The following SEMA6D variants were observed in gnomAD, a reference collection of about 807,000 sequenced individuals.
SEMA6D encodes semaphorin 6D.
A neutral mutation model predicts 106.6 loss-of-function variants in SEMA6D; 35 were observed. The observed-to-expected ratio is 0.33, with a 90% CI of 0.25 to 0.44. The LOEUF (loss-of-function observed/expected upper bound fraction) is 0.44, where lower values mean the gene tolerates loss of function less well. SEMA6D is among the 20% of genes least tolerant of loss of function. The pLI is 1.00. For missense variants in SEMA6D, 1,185 were observed against 1,345.9 expected, an observed-to-expected ratio of 0.88 and a Z score of 1.87; for synonymous variants, 499 against 487.7, an observed-to-expected ratio of 1.02 and a Z score of -0.31.
chr15:47,248,325 A>G (rs887888043), intron 1 of SEMA6D, among the ~76,000 whole-genome samples: 1 of 152,216 alleles, frequency 6.6e-6, no homozygotes, highest in African/African-American at 2.4e-5. Flanking sequence ...TTATCAGGAA[A>G]CAAATGAGAA....
At chr15:47,497,142 C>G (rs2043692114) in intron 3 of SEMA6D, among the ~76,000 whole-genome samples, 1 of 140,254 alleles carries the variant, frequency 7.1e-6, no homozygotes. Context: ...TTCCTTTCTG[C>G]CTGTGAGAAA....
At chr15:47,751,758 A>G (rs1014663256) in intron 1 of SEMA6D, among the ~76,000 whole-genome samples, 2 of 152,162 alleles carry the variant, frequency 1.3e-5, no homozygotes, top group Non-Finnish European at 1.5e-5. Flanking sequence ...TTCAGGACAC[A>G]TGGTTCATTC....
chr15:47,410,492 C>A (rs901850857), intron 1 of SEMA6D, among the ~76,000 whole-genome samples: 1 of 152,160 alleles, frequency 6.6e-6, no homozygotes, highest in Admixed American at 6.5e-5. Context: ...GTTCCTCTTA[C>A]AAATACTTCT....
intron 2 of SEMA6D, among the ~76,000 whole-genome samples, chr15:47,414,334 A>T (rs1204053568): frequency 6.6e-6 from 1 of 152,170 alleles, no homozygotes; most frequent in Non-Finnish European, 1.5e-5. Flanking sequence ...TTCCTCATAC[A>T]TACATGGAAT....
intron 4 of SEMA6D, among the ~76,000 whole-genome samples, chr15:47,604,640 A>G (rs933495421): frequency 6.6e-6 from 1 of 152,198 alleles, no homozygotes; most frequent in Non-Finnish European, 1.5e-5. Flanking sequence ...GTAATTTGTT[A>G]GATTCTTTCT....
At chr15:47,442,559 G>A (rs774679739) in intron 2 of SEMA6D, among the ~76,000 whole-genome samples, 6 of 152,164 alleles carry the variant, frequency 3.9e-5, no homozygotes, top group East Asian at 1.9e-4. Context: ...TAATGTCTGC[G>A]TTAGATAGCT....
intron 3 of SEMA6D, among the ~76,000 whole-genome samples, chr15:47,490,245 C>T (rs2043430352): frequency 2.0e-5 from 3 of 152,150 alleles, no homozygotes; most frequent in Admixed American, 2.0e-4. Context: ...ATAGTGAGTG[C>T]TCAGTATGTA....
At chr15:47,554,406 C>T (rs924525214) in intron 3 of SEMA6D, among the ~76,000 whole-genome samples, 1 of 152,198 alleles carries the variant, frequency 6.6e-6, no homozygotes, top group Non-Finnish European at 1.5e-5. Context: ...AAGTACAGTG[C>T]TACAGACCCA....
chr15:47,657,871 G>C (rs2077833072), intron 4 of SEMA6D, among the ~76,000 whole-genome samples: 1 of 150,688 alleles, frequency 6.6e-6, no homozygotes, highest in South Asian at 2.1e-4. Flanking sequence ...CTCCCGAGTA[G>C]CTGGGACTAC....
chr15:47,444,480 G>A (rs762497092), intron 2 of SEMA6D, among the ~76,000 whole-genome samples: 8 of 152,056 alleles, frequency 5.3e-5, no homozygotes, highest in Non-Finnish European at 8.8e-5. Context: ...GATGAAGGCT[G>A]CTTTGCTCCC....
Position 47,730,586 on chromosome 15 carries a change from T to A in SEMA6D, c.-55+12894T>A. The A allele has an allele frequency of 3.3e-6, 5 of 1,523,528 alleles. No homozygotes were observed. In the East Asian group the frequency reaches 9.0e-5, roughly 27 times the overall value. The allele number at this position is 1,523,528 out of a possible 1,614,324, so 94.4% of individuals were successfully genotyped here. On this transcript the variant is annotated intron_variant, in intron 1 of 18. Coordinates refer to ENST00000536845, the MANE Select transcript of SEMA6D (RefSeq NM_001358351.3). ...ATCCCCTTTGCCAGCAGCTTTCTTC[T>A]CGGCCCAGGCCAACAGTCTCTGCTT...
At chr15:47,506,590 A>G (rs989624270) in intron 3 of SEMA6D, among the ~76,000 whole-genome samples, 1 of 139,122 alleles carries the variant, frequency 7.2e-6, no homozygotes, top group Non-Finnish European at 1.5e-5. Flanking sequence ...GGGCATTTAC[A>G]CACACACAAA....
chr15:47,398,237 C>G (rs563455915), intron 1 of SEMA6D, among the ~76,000 whole-genome samples: 37 of 152,248 alleles, frequency 2.4e-4, no homozygotes, highest in Admixed American at 5.2e-4. Flanking sequence ...CATTTCCAAT[C>G]TAGCTTTACT....
intron 2 of SEMA6D, among the ~76,000 whole-genome samples, chr15:47,423,070 T>C (rs577038399): frequency 9.8e-4 from 149 of 152,232 alleles, no homozygotes; most frequent in Non-Finnish European, 1.5e-3. Flanking sequence ...ATAAGAGTTA[T>C]AAGCAGAGTT....
chr15:47,264,826 G>C (rs1308357494), intron 1 of SEMA6D, among the ~76,000 whole-genome samples: 6 of 151,934 alleles, frequency 3.9e-5, no homozygotes, highest in African/African-American at 2.4e-5. Flanking sequence ...TCATGAAAAA[G>C]TATTGGATTT....
At chr15:47,581,530 CAAG>C (rs1315681265) in intron 3 of SEMA6D, among the ~76,000 whole-genome samples, 1 of 152,140 alleles carries the variant, frequency 6.6e-6, no homozygotes, top group Non-Finnish European at 1.5e-5. Context: ...ACCTGAATAA[CAAG>C]AAGGAGATAG....
chr15:47,236,036 C>G, intron 1 of SEMA6D, among the ~76,000 whole-genome samples: 1 of 152,078 alleles, frequency 6.6e-6, no homozygotes, highest in Non-Finnish European at 1.5e-5. Flanking sequence ...AATCAAAACA[C>G]AAATTCATGC....
At chr15:47,764,817 C>T in intron 12 of SEMA6D, 24 bp downstream of exon 12, 2 of 1,613,636 alleles carry the variant, frequency 1.2e-6, no homozygotes, top group Non-Finnish European at 1.7e-6. Flanking sequence ...TGAAACACTC[C>T]TTCCTATTCA....
At chr15:47,765,638 TATC>T (rs1269622039) in intron 13 of SEMA6D, among the ~76,000 whole-genome samples, 3 of 152,212 alleles carry the variant, frequency 2.0e-5, no homozygotes, top group Admixed American at 6.5e-5. Flanking sequence ...AATTCACTTC[TATC>T]ATCATAACAG....
Sources: gnomAD v4.1 joint callset for allele counts (sites outside exome capture counted in the v4.1 genomes callset) on GRCh38, gnomAD v4.1.1 for gene constraint, MANE v1.5 for transcripts, NCBI Gene and HGNC (gene_info 2026-07-23, HGNC 2026-07-21) for gene names.